Variants in SLC44A5 observed in about 807,000 individuals in gnomAD.
SLC44A5 encodes solute carrier family 44 member 5, also known as choline transporter-like protein 5.
In SLC44A5, 57 loss-of-function variants were observed where a neutral mutation model predicts 101.8. The ratio of observed to expected loss-of-function variants is 0.56; its 90% confidence interval spans 0.45 to 0.70. SLC44A5 has a LOEUF of 0.70. SLC44A5 is among the 30% of genes least tolerant of loss of function. The pLI is 0.00. For synonymous variants in SLC44A5, 281 were observed against 290.9 expected, an observed-to-expected ratio of 0.97 and a Z score of 0.35; for missense variants, 737 against 853.1, an observed-to-expected ratio of 0.86 and a Z score of 1.70.
chr1:75,398,400 A>G, intron 2 of SLC44A5: 1 of 985,406 alleles, frequency 1.0e-6, no homozygotes, highest in Non-Finnish European at 1.2e-6. Flanking sequence ...TATAGCAGGA[A>G]GCATGTCAGT....
intron 2 of SLC44A5, among the ~76,000 whole-genome samples, chr1:75,537,033 A>AAAAAAAAAAAAAATATATATAT (rs35829590): frequency 7.0e-4 from 30 of 43,026 alleles, no homozygotes; most frequent in Non-Finnish European, 1.3e-3. Context: ...AAAAAAAAAA[A>AAAAAAAAAAAAAATATATATAT]ATATATATCT....
intron 3 of SLC44A5, among the ~76,000 whole-genome samples, chr1:75,356,835 T>C (rs553361203): frequency 6.6e-6 from 1 of 152,316 alleles, no homozygotes; most frequent in Non-Finnish European, 1.5e-5. Flanking sequence ...GGTACAGAAA[T>C]ACTTGCCATT....
At chr1:75,552,814 C>A (rs775518379) in intron 1 of SLC44A5, among the ~76,000 whole-genome samples, 2 of 152,040 alleles carry the variant, frequency 1.3e-5, no homozygotes, top group African/African-American at 4.8e-5. Context: ...TGGTGGCATA[C>A]TTTCTAGAAA....
intron 4 of SLC44A5, among the ~76,000 whole-genome samples, chr1:75,303,491 C>A (rs1225636866): frequency 6.6e-6 from 1 of 152,190 alleles, no homozygotes; most frequent in African/African-American, 2.4e-5. Flanking sequence ...ACCTTGGCCT[C>A]CCAAAATGCT....
At chr1:75,391,217 T>C (rs1180412449) in intron 3 of SLC44A5, among the ~76,000 whole-genome samples, 13 of 151,680 alleles carry the variant, frequency 8.6e-5, no homozygotes, top group Admixed American at 8.5e-4. Context: ...AATGAAAAAA[T>C]GAAAAAATAT....
the SLC44A5 span, among the ~76,000 whole-genome samples, chr1:75,680,883 A>C: frequency 3.3e-5 from 5 of 151,508 alleles, no homozygotes; most frequent in Non-Finnish European, 7.4e-5. Flanking sequence ...ATAAAGAAAA[A>C]AAGAGAGAAG....
chr1:75,406,004 A>C (rs1662836226), intron 2 of SLC44A5, among the ~76,000 whole-genome samples: 1 of 152,108 alleles, frequency 6.6e-6, no homozygotes. Flanking sequence ...AATTAAATAG[A>C]TGCAATAAAA....
chr1:75,394,778 G>T (rs1257003644), intron 3 of SLC44A5, among the ~76,000 whole-genome samples: 1 of 152,040 alleles, frequency 6.6e-6, no homozygotes, highest in Non-Finnish European at 1.5e-5. Flanking sequence ...TGGAGTGAAT[G>T]AACCAAAAAG....
chr1:75,466,655 T>TAAA (rs754658767), intron 2 of SLC44A5, among the ~76,000 whole-genome samples: 74 of 87,938 alleles, frequency 8.4e-4, no homozygotes, highest in Non-Finnish European at 1.2e-3. Flanking sequence ...GATGCCATCT[T>TAAA]AAAAAAAAAA....
chr1:75,221,941 T>C (rs1207183163), intron 14 of SLC44A5, among the ~76,000 whole-genome samples: 1 of 151,028 alleles, frequency 6.6e-6, no homozygotes, highest in Non-Finnish European at 1.5e-5. Flanking sequence ...AGATGCTTTC[T>C]TTTAAAAGTC....
chr1:75,271,497 T>TTTTTTGTGTGTGTGTGTGTGTGTG (rs1553152601), intron 6 of SLC44A5, among the ~76,000 whole-genome samples: 2 of 146,304 alleles, frequency 1.4e-5, no homozygotes, highest in Non-Finnish European at 3.0e-5. Flanking sequence ...TCTGCATGTT[T>TTTTTTGTGTGTGTGTGTGTGTGTG]TGTGTGTGTG....
At chr1:75,274,928 A>G in intron 6 of SLC44A5, 30 bp downstream of exon 6, 1 of 1,571,152 alleles carries the variant, frequency 6.4e-7, no homozygotes, top group Non-Finnish European at 8.7e-7. Context: ...AGACAGTAAA[A>G]TCACACAAAG....
At chr1:75,300,318 T>C (rs1018722961) in intron 5 of SLC44A5, among the ~76,000 whole-genome samples, 2 of 152,172 alleles carry the variant, frequency 1.3e-5, no homozygotes, top group Non-Finnish European at 2.9e-5. Flanking sequence ...AATTAGTTGC[T>C]TATTAGAATT....
chr1:75,665,707 C>G, the SLC44A5 span, among the ~76,000 whole-genome samples: 35,850 of 152,026 alleles, frequency 0.24, 4,610 homozygotes, highest in Non-Finnish European at 0.3. Flanking sequence ...ATCCCACAAA[C>G]TACTCATCCT....
At chr1:75,452,053 C>T (rs749022721) in intron 2 of SLC44A5, among the ~76,000 whole-genome samples, 1 of 152,076 alleles carries the variant, frequency 6.6e-6, no homozygotes, top group Non-Finnish European at 1.5e-5. Flanking sequence ...CAGAGAACAC[C>T]AGTAAGATAC....
chr1:75,528,753 C>G (rs1255385712), intron 2 of SLC44A5, among the ~76,000 whole-genome samples: 1 of 152,154 alleles, frequency 6.6e-6, no homozygotes, highest in African/African-American at 2.4e-5. Context: ...ATTTACTTTT[C>G]TTTCTTCATT....
intron 1 of SLC44A5, among the ~76,000 whole-genome samples, chr1:75,565,033 C>T (rs2102019196): frequency 6.6e-6 from 1 of 152,204 alleles, no homozygotes; most frequent in East Asian, 1.9e-4. Flanking sequence ...TGACCTAGAA[C>T]CATTAATGTT....
intron 1 of SLC44A5, among the ~76,000 whole-genome samples, chr1:75,564,996 C>T (rs1672719031): frequency 6.6e-6 from 1 of 152,016 alleles, no homozygotes; most frequent in Admixed American, 6.6e-5. Context: ...TAAACATGTG[C>T]CATGGTAGAA....
intron 3 of SLC44A5, among the ~76,000 whole-genome samples, chr1:75,356,643 G>A (rs77494314): frequency 0.23 from 34,946 of 151,940 alleles, 4,192 homozygotes; most frequent in African/African-American, 0.27. Flanking sequence ...ATATACAGTA[G>A]TATCCTAATA....
Sources: gnomAD v4.1 joint callset for allele counts (sites outside exome capture counted in the v4.1 genomes callset) on GRCh38, gnomAD v4.1.1 for gene constraint, MANE v1.5 for transcripts, NCBI Gene and HGNC (gene_info 2026-07-23, HGNC 2026-07-21) for gene names.